The following CA8 variants were observed in gnomAD, a reference collection of about 807,000 sequenced individuals.
CA8 encodes the protein carbonic anhydrase-related protein.
Under a neutral mutation model 41.4 loss-of-function variants are expected in CA8, and 22 were observed. The ratio of observed to expected loss-of-function variants is 0.53; its 90% CI spans 0.38 to 0.76. The LOEUF is 0.76. Ranked by LOEUF, CA8 falls within the 30% of genes least tolerant of loss-of-function variation. CA8 has a pLI of 0.00. For missense variants in CA8, 270 were observed against 352.8 expected (o/e 0.77, Z 1.88); for synonymous variants, 121 against 130.6 (o/e 0.93, Z 0.50).
intron 3 of CA8, among the ~76,000 whole-genome samples, chr8:60,246,319 G>T (rs1808235278): frequency 6.6e-6 from 1 of 152,152 alleles, no homozygotes; most frequent in Non-Finnish European, 1.5e-5. Flanking sequence ...TTTTAAGACA[G>T]TCTTACTCTG....
chr8:60,204,270 G>A (rs1806515605), intron 8 of CA8, among the ~76,000 whole-genome samples: 1 of 152,086 alleles, frequency 6.6e-6, no homozygotes, highest in African/African-American at 2.4e-5. Context: ...ATTTCCTTAT[G>A]GAAAAATATA....
Position 60,230,313 on chromosome 8 carries a change from T to C in CA8, c.513+1971A>G, listed in dbSNP as rs144392198. On this transcript the variant is annotated intron_variant, in intron 4 of 8. Coordinates refer to ENST00000317995, the MANE Select transcript of CA8 (RefSeq NM_004056.6). ...TTGCCTCCTCCAGGACTTTTCCACA[T>C]CAGTGACACCCTCTCTTTCCAGTAT... Among the ~76,000 whole-genome samples, 730 of 152,260 alleles carry C rather than the reference T, an allele frequency of 4.8e-3. 4 individuals are homozygous for C. The highest frequency in any genetic ancestry group is 0.017 in the African/African-American group (689 of 41,542).
intron 3 of CA8, among the ~76,000 whole-genome samples, chr8:60,257,620 G>A (rs77828969): frequency 0.045 from 6,786 of 152,076 alleles, 204 homozygotes; most frequent in South Asian, 0.13. Context: ...GTTCTCTAGC[G>A]TCTCTTCAGA....
intron 2 of CA8, among the ~76,000 whole-genome samples, chr8:60,279,453 T>G (rs1005055978): frequency 1.3e-5 from 2 of 152,234 alleles, no homozygotes; most frequent in African/African-American, 4.8e-5. Context: ...GTTTTTCCAG[T>G]AACATCATAA....
rs1273888115 is a variant in CA8, at chr8:60,187,930, G to A, written c.*2091C>T. 1.3e-5 allele frequency: 2 copies of A among 152,052 alleles called. No homozygotes were observed. Among genetic ancestry groups the A allele is most frequent in the African/African-American group, 2.4e-5 (1 of 41,406 alleles). The allele number at this position is 152,052 out of a possible 1,614,324, so 9.4% of individuals were successfully genotyped here. ...AAACAGATTTGAGATTAGTTGTTGT[G>A]CTTTCGTTTACTGACAAACTACCTT... On this transcript the variant is annotated 3_prime_UTR_variant, in exon 9 of 9. Coordinates refer to ENST00000317995, the MANE Select transcript of CA8 (RefSeq NM_004056.6).
intron 2 of CA8, among the ~76,000 whole-genome samples, chr8:60,273,945 A>C (rs1356102726): frequency 6.6e-6 from 1 of 152,256 alleles, no homozygotes; most frequent in Non-Finnish European, 1.5e-5. Context: ...TAGAAGTTTT[A>C]GTTTGATAAG....
intron 7 of CA8, among the ~76,000 whole-genome samples, chr8:60,219,945 A>AC (rs750918359): frequency 8.1e-6 from 1 of 123,500 alleles, no homozygotes. Flanking sequence ...AAAAAAAAAA[A>AC]AAAAAAAACA....
intron 7 of CA8, among the ~76,000 whole-genome samples, chr8:60,219,010 T>C (rs1807132535): frequency 6.7e-6 from 1 of 149,942 alleles, no homozygotes; most frequent in South Asian, 2.1e-4. Flanking sequence ...TTGCACGGGG[T>C]CCTACCAGTT....
chr8:60,280,780 G>T (rs570574480), intron 1 of CA8, among the ~76,000 whole-genome samples: 1 of 152,382 alleles, frequency 6.6e-6, no homozygotes, highest in South Asian at 2.1e-4. Context: ...CCGCCCTCCG[G>T]ACCGCAGCAG....
At chr8:60,238,099 G>T (rs527693808) in intron 3 of CA8, among the ~76,000 whole-genome samples, 1 of 152,230 alleles carries the variant, frequency 6.6e-6, no homozygotes, top group South Asian at 2.1e-4. Flanking sequence ...CCTGTGAAAC[G>T]TTCAAAACGT....
chr8:60,259,733 T>C (rs963844688), intron 3 of CA8, among the ~76,000 whole-genome samples: 9 of 151,992 alleles, frequency 5.9e-5, no homozygotes, highest in Admixed American at 3.9e-4. Flanking sequence ...AACATAAAAT[T>C]TGTTTGCTTT....
chr8:60,257,825 T>A (rs528991170), intron 3 of CA8, among the ~76,000 whole-genome samples: 1 of 152,346 alleles, frequency 6.6e-6, no homozygotes, highest in African/African-American at 2.4e-5. Flanking sequence ...AACAATGTAT[T>A]TGCATTCTAA....
At chr8:60,212,314 G>A (rs1048578169) in intron 7 of CA8, among the ~76,000 whole-genome samples, 2 of 152,186 alleles carry the variant, frequency 1.3e-5, no homozygotes, top group African/African-American at 4.8e-5. Context: ...TAACTTTCAG[G>A]AGTTCCCAAG....
chr8:60,259,752 T>C (rs1803670569), intron 3 of CA8, among the ~76,000 whole-genome samples: 1 of 151,782 alleles, frequency 6.6e-6, no homozygotes, highest in South Asian at 2.1e-4. Context: ...TTTTTTTTTT[T>C]TTGCCAAGAT....
chr8:60,235,912 T>A (rs1807814772), intron 3 of CA8, among the ~76,000 whole-genome samples: 1 of 152,200 alleles, frequency 6.6e-6, no homozygotes, highest in African/African-American at 2.4e-5. Flanking sequence ...AAGGTCTTTT[T>A]GACAGTACAG....
chr8:60,199,965 T>G (rs1490184785), intron 8 of CA8, among the ~76,000 whole-genome samples: 1 of 152,232 alleles, frequency 6.6e-6, no homozygotes, highest in East Asian at 1.9e-4. Flanking sequence ...TGTTTACCTT[T>G]CTGTTACATG....
At chr8:60,229,429 C>T (rs906303953) in intron 4 of CA8, among the ~76,000 whole-genome samples, 3 of 152,236 alleles carry the variant, frequency 2.0e-5, no homozygotes, top group Non-Finnish European at 2.9e-5. Context: ...GCCATCCTCC[C>T]GAGGGGACCA....
intron 3 of CA8, among the ~76,000 whole-genome samples, chr8:60,242,632 TAGTG>T (rs58829934): frequency 0.017 from 2,561 of 152,306 alleles, 81 homozygotes; most frequent in African/African-American, 0.058. Context: ...CACCTGGTGT[TAGTG>T]AGCACTCTCA....
At chr8:60,232,472 T>C (rs975667090) in intron 3 of CA8, 93 bp from the exon 4 acceptor site, 3 of 864,156 alleles carry the variant, frequency 3.5e-6, no homozygotes, top group Non-Finnish European at 6.0e-6. Flanking sequence ...TATTTCTATA[T>C]GGTATCACAT....
Sources: allele counts gnomAD v4.1 joint callset (sites outside exome capture counted in the v4.1 genomes callset), GRCh38; gene constraint gnomAD v4.1.1; transcripts MANE v1.5; gene names NCBI Gene and HGNC (gene_info 2026-07-23, HGNC 2026-07-21).